The following ROS1 variants were observed in gnomAD, a reference collection of about 807,000 sequenced individuals.
ROS1 encodes proto-oncogene tyrosine-protein kinase ROS.
ROS1 carries 263 observed loss-of-function variants against 273.5 expected under a neutral mutation model. That is an observed-to-expected ratio of 0.96 (90% CI 0.87 to 1.06). The LOEUF is 1.06. Ranked by LOEUF, ROS1 falls within the 50% of genes least tolerant of loss-of-function variation. The probability of loss-of-function intolerance (pLI) is 0.00; values close to 1 mark genes in which losing one functional copy is unlikely to be tolerated. For synonymous variants in ROS1, 1,008 were observed against 954.1 expected (o/e 1.06, Z -1.04); for missense variants, 2,833 against 2,751.1 (o/e 1.03, Z -0.67).
At position 117,288,629 on chromosome 6, in the gene ROS1, T is replaced by C; in HGVS notation, c.6889A>G (p.Arg2297Gly). 1 of 1,614,182 alleles carries C rather than the reference T, an allele frequency of 6.2e-7. No homozygotes were observed. The highest frequency in any genetic ancestry group is 8.5e-7 in the Non-Finnish European group (1 of 1,180,038). ...GCATGTGGTTCCTTCTCTTCTTTCC[T>C]CAGACCACAAGATTCAGATTCCTGG... ...GSQESESCGL[R>G]KEEKEPHADK... Residue 2297 changes from arginine to glycine, a missense_variant, in exon 44 of 44, where the codon AGG (arginine) becomes GGG (glycine). Transcript: ENST00000368507.
chr6:117,371,774 C>A (rs146569469), intron 18 of ROS1, among the ~76,000 whole-genome samples: 1 of 152,014 alleles, frequency 6.6e-6, no homozygotes, highest in South Asian at 2.1e-4. Context: ...GGGAGTTGGG[C>A]GAGGCCGGTC....
At position 117,341,528 on chromosome 6, in the gene ROS1, G is replaced by C; in HGVS notation, c.4756C>G (p.Arg1586Gly). 2 of 1,613,662 alleles carry C rather than the reference G, an allele frequency of 1.2e-6. No homozygotes were observed. Among genetic ancestry groups the C allele is most frequent in the Non-Finnish European group, 1.7e-6 (2 of 1,179,688 alleles). ...AGGTGTGAGATTGCCAACTGATAACGGACTGATTCTTTAGGTCCATTTGGC... is the reference window on the plus strand; with the variant it reads ...AGGTGTGAGATTGCCAACTGATAACCGACTGATTCTTTAGGTCCATTTGGC... ...HKPNGPKESV[R>G]YQLAISHLAL... The change falls in exon 30 of 44, where the codon CGT becomes GGT. Residue 1586 changes from arginine to glycine, a missense_variant. Transcript: ENST00000368507.
intron 17 of ROS1, among the ~76,000 whole-genome samples, chr6:117,380,833 C>T (rs1000791523): frequency 2.0e-5 from 3 of 152,100 alleles, no homozygotes; most frequent in Non-Finnish European, 4.4e-5. Flanking sequence ...GTGAGTTGAG[C>T]TCATCAGATG....
chr6:117,368,205 G>C (rs751372576), intron 18 of ROS1, among the ~76,000 whole-genome samples: 2 of 152,004 alleles, frequency 1.3e-5, no homozygotes, highest in Non-Finnish European at 2.9e-5. Flanking sequence ...GGTTGTTTCT[G>C]AAGTTGTAAC....
intron 42 of ROS1, among the ~76,000 whole-genome samples, chr6:117,305,463 A>AT (rs970592021): frequency 3.6e-4 from 54 of 152,074 alleles, no homozygotes; most frequent in Admixed American, 1.7e-3. Flanking sequence ...AGAAATTCCT[A>AT]TTTTTTTCAA....
chr6:117,287,553 A>G lies in ROS1; in HGVS notation c.*939T>C, dbSNP rs79644953. 0.024 allele frequency among the ~76,000 whole-genome samples: 3,634 copies of G among 152,312 alleles called. 144 individuals carry two copies. The highest frequency in any genetic ancestry group is 0.083 in the African/African-American group (3,429 of 41,530). On this transcript the variant is annotated 3_prime_UTR_variant, in exon 44 of 44. Coordinates refer to ENST00000368507, the MANE Select transcript of ROS1 (RefSeq NM_001378902.1). ...ACTTCAGGACTTAAAAGATCTTCAC[A>G]GTCTTATTTTCAACATGACTGAATC...
At chr6:117,423,043 T>G (rs1775875385) in intron 1 of ROS1, among the ~76,000 whole-genome samples, 1 of 151,704 alleles carries the variant, frequency 6.6e-6, no homozygotes, top group Non-Finnish European at 1.5e-5. Flanking sequence ...AAAGGGGGTT[T>G]GTGATGTAAT....
chr6:117,368,163 T>C (rs2128665530), intron 18 of ROS1, among the ~76,000 whole-genome samples: 1 of 152,350 alleles, frequency 6.6e-6, no homozygotes, highest in East Asian at 1.9e-4. Context: ...GGAAGGAAAT[T>C]TTGCAATTAT....
intron 5 of ROS1, among the ~76,000 whole-genome samples, chr6:117,406,197 A>G (rs1582871124): frequency 6.6e-6 from 1 of 152,134 alleles, no homozygotes; most frequent in East Asian, 1.9e-4. Context: ...ACATGCATAC[A>G]TATTTTGTAT....
rs1305518433 is a variant in ROS1, at chr6:117,310,104, G to A, written c.6393C>T (p.Ile2131=). ...WMAPESLMDG[I]FTTQSDVWSF... The stretch of plus-strand genomic sequence containing the variant: ...ACCATACATCAGATTGAGTAGTGAA[G>A]ATTCCATCCATCAAACTTTCTGGAG... Residue 2131 remains isoleucine, a synonymous_variant, in exon 41 of 44, where the codon ATC becomes ATT. Coordinates refer to ENST00000368507, the MANE Select transcript of ROS1 (RefSeq NM_001378902.1). 2.5e-6 allele frequency: 4 copies of A among 1,613,194 alleles called. No individual in the cohort carries two copies. The highest frequency in any genetic ancestry group is 1.6e-4 in the Middle Eastern group (1 of 6,070).
At chr6:117,316,178 A>T (rs1453333647) in intron 39 of ROS1, among the ~76,000 whole-genome samples, 1 of 152,060 alleles carries the variant, frequency 6.6e-6, no homozygotes, top group African/African-American at 2.4e-5. Context: ...GAGGAAGTCT[A>T]AGAGAGTTAA....
chr6:117,386,942 A>G lies in ROS1; in HGVS notation c.2057T>C (p.Leu686Ser), dbSNP rs773694464. The change falls in exon 15 of 44, where the codon TTA becomes TCA. Residue 686 changes from leucine to serine, a missense_variant. By Grantham distance (145) the Leu-to-Ser change is moderately radical. Coordinates refer to ENST00000368507, the MANE Select transcript of ROS1 (RefSeq NM_001378902.1). ...VKEDGLWSKP[L>S]NSFGPGEFLS... ...GAACTCTCCTGGGCCAAAGCTATTTAATGGTTTACTCCAAAGCCCATCTTC... is the reference window on the plus strand; with the variant it reads ...GAACTCTCCTGGGCCAAAGCTATTTGATGGTTTACTCCAAAGCCCATCTTC... 3 of 1,613,082 alleles carry G rather than the reference A, an allele frequency of 1.9e-6. No homozygotes were observed.
At chr6:117,345,419 G>A (rs998944845) in intron 27 of ROS1, among the ~76,000 whole-genome samples, 2 of 152,148 alleles carry the variant, frequency 1.3e-5, no homozygotes, top group South Asian at 2.1e-4. Flanking sequence ...TGTGATTTTG[G>A]TTTTGGTTTT....
chr6:117,352,912 C>T, intron 27 of ROS1, 78 bp downstream of exon 27: 1 of 1,350,290 alleles, frequency 7.4e-7, no homozygotes, highest in Non-Finnish European at 1.0e-6. Context: ...AAGGGACAGC[C>T]TTGGAGAAGG....
chr6:117,401,617 T>G (rs1202769868), intron 7 of ROS1, among the ~76,000 whole-genome samples: 1 of 152,094 alleles, frequency 6.6e-6, no homozygotes, highest in African/African-American at 2.4e-5. Context: ...ACTTAATTAC[T>G]TATCGGACTG....
intron 35 of ROS1, among the ~76,000 whole-genome samples, chr6:117,322,852 G>C (rs1176443245): frequency 6.6e-6 from 1 of 152,100 alleles, no homozygotes; most frequent in African/African-American, 2.4e-5. Flanking sequence ...ACAGAATAAA[G>C]ACCTTTAAGT....
Position 117,387,986 on chromosome 6 carries a change from G to C in ROS1, c.1793C>G (p.Ser598Cys), listed in dbSNP as rs1713882489. The C allele has an allele frequency of 6.2e-7, 1 of 1,614,168 alleles. No homozygotes were observed. The stretch of plus-strand genomic sequence containing the variant: ...CTCATAGGTCCAGTTCTGCCAGGCA[G>C]AAGGGCCTAATTCAAAGAGTTCAAT... ...PPALAIGASPSAWQNWTYEVK... is the reference protein window; with the variant it reads ...PPALAIGASPCAWQNWTYEVK... The change falls in exon 14 of 44, where the codon TCT becomes TGT. Residue 598 changes from serine to cysteine, a missense_variant. Ser to Cys is a moderately radical substitution (Grantham distance 112). Transcript: ENST00000368507.
intron 37 of ROS1, among the ~76,000 whole-genome samples, chr6:117,318,709 G>A (rs967341884): frequency 6.6e-5 from 10 of 152,202 alleles, no homozygotes; most frequent in African/African-American, 2.4e-4. Flanking sequence ...CTCGGTGATG[G>A]TCAATGGCAT....
chr6:117,287,502 T>C lies in ROS1; in HGVS notation c.*990A>G, dbSNP rs1418867519. ...TAGCACACAAGTCAGAGTGATTTTA[T>C]ACAACTGAAGATTACAGAATGCAAA... On this transcript the variant is annotated 3_prime_UTR_variant, in exon 44 of 44. Transcript: ENST00000368507. 1.3e-5 allele frequency among the ~76,000 whole-genome samples: 2 copies of C among 152,242 alleles called. No homozygotes were observed. The highest frequency in any genetic ancestry group is 2.9e-5 in the Non-Finnish European group (2 of 68,044).
Sources: allele counts gnomAD v4.1 joint callset (sites outside exome capture counted in the v4.1 genomes callset), GRCh38; gene constraint gnomAD v4.1.1; transcripts MANE v1.5; gene names NCBI Gene and HGNC (gene_info 2026-07-23, HGNC 2026-07-21).